NCR2: variants seen among roughly 807,000 people sequenced by gnomAD.
NCR2 encodes natural cytotoxicity triggering receptor 2, also known as NK cell activating receptor (NKp44).
In NCR2, 35 loss-of-function variants were observed where a neutral mutation model predicts 30.7. That is an observed-to-expected ratio of 1.14 (90% CI 0.87 to 1.51). The LOEUF (loss-of-function observed/expected upper bound fraction) is 1.51. Ranked by LOEUF, NCR2 falls within the 40% of genes most tolerant of loss-of-function variation. The probability of loss-of-function intolerance (pLI) is 0.00; values close to 1 mark genes in which losing one functional copy is unlikely to be tolerated. For synonymous variants in NCR2, 146 were observed against 134.8 expected (o/e 1.08, Z -0.58); for missense variants, 316 against 328.9 (o/e 0.96, Z 0.30).
At position 41,335,881 on chromosome 6, in the gene NCR2, C is replaced by G. The variant is rs1414403971; in HGVS notation, c.5C>G (p.Ala2Gly). 4 of 1,565,446 alleles carry G rather than the reference C, an allele frequency of 2.6e-6. No homozygotes were observed. In the South Asian group the frequency reaches 3.5e-5, roughly 14 times the overall value. Reference protein sequence around the residue: MAWRALHPLLLL... With the variant: MGWRALHPLLLL... ...AGCGCACAGGAAAAGGACCACATGG[C>G]CTGGCGAGCCCTACACCCACTGCTA... is the stretch of plus-strand genomic sequence containing the variant. Residue 2 changes from alanine to glycine, a missense_variant, in exon 1 of 5, where the codon GCC (alanine) becomes GGC (glycine). Transcript: ENST00000373089.
rs1247589826 is a variant in NCR2, at chr6:41,335,925, C to T, written c.49C>T (p.Pro17Ser). The T allele has an allele frequency of 2.5e-6, 4 of 1,571,034 alleles. No homozygotes were observed. In the African/African-American group the frequency reaches 4.1e-5, roughly 16 times the overall value. The change falls in exon 1 of 5, where the codon CCA becomes TCA. Residue 17 changes from proline to serine, a missense_variant. Transcript: ENST00000373089. ...HPLLLLLLLF[P>S]GSQAQSKAQV... ...ACTGCTACTGCTGCTGCTGCTGTTC[C>T]CAGGTGAGGGGGAGGAGGAGCCCAG...
At chr6:41,340,268 T>A (rs553623940) in intron 2 of NCR2, among the ~76,000 whole-genome samples, 11 of 152,030 alleles carry the variant, frequency 7.2e-5, no homozygotes, top group African/African-American at 2.7e-4. Flanking sequence ...TTCAACCCAT[T>A]CCCATGCCTC....
chr6:41,336,065 G>A, intron 1 of NCR2, 22 bp from the exon 2 acceptor site: 2 of 1,607,786 alleles, frequency 1.2e-6, no homozygotes, highest in Non-Finnish European at 1.7e-6. Context: ...CTTGACCTAT[G>A]CGTTACTTCA....
chr6:41,350,015 G>A (rs1280635455), intron 4 of NCR2, among the ~76,000 whole-genome samples: 1 of 152,162 alleles, frequency 6.6e-6, no homozygotes, highest in Non-Finnish European at 1.5e-5. Context: ...GTACAACCCA[G>A]CTCATGAGGG....
intron 1 of NCR2, 50 bp downstream of exon 1, chr6:41,335,978 A>G (rs1267588356): frequency 1.3e-6 from 2 of 1,578,790 alleles, no homozygotes; most frequent in African/African-American, 1.3e-5. Context: ...TGTGGTGGGG[A>G]CTGTCAGGAC....
In NCR2 at chr6:41,350,044, A is replaced by G. The variant is rs186205966; in HGVS notation, c.645-634A>G. ...ATGAGGGACATTTTCTACTTTCCAC[A>G]TTACTGCAGATGACAGTGTTGCTAA... On this transcript the variant is annotated intron_variant, in intron 4 of 4. Transcript: ENST00000373089. 5.9e-5 allele frequency among the ~76,000 whole-genome samples: 9 copies of G among 152,308 alleles called. No homozygotes were observed. In the East Asian group the frequency reaches 1.7e-3, roughly 29 times the overall value.
At position 41,336,447 on chromosome 6, in the gene NCR2, G is replaced by T. The variant is rs1361290288; in HGVS notation, c.394+19G>T. The T allele has an allele frequency of 1.3e-6, 2 of 1,594,220 alleles. No individual in the cohort carries two copies. Among genetic ancestry groups the T allele is most frequent in the Non-Finnish European group, 1.7e-6 (2 of 1,164,926 alleles). ...TCTCCAGGTGAGCTCTTTCCCTAGG[G>T]TCCTCAGAGGGGTGCCCCTCACCCC... On this transcript the variant is annotated intron_variant, in intron 2 of 4. Coordinates refer to ENST00000373089, the MANE Select transcript of NCR2 (RefSeq NM_004828.4).
chr6:41,336,099 A>T lies in NCR2; in HGVS notation c.65A>T (p.Gln22Leu). ...LLLLFPGSQA[Q>L]SKAQVLQSVA... ...CATCATTCTCCAGGCTCTCAGGCAC[A>T]ATCCAAGGCTCAGGTACTTCAAAGT... The change falls in exon 2 of 5, where the codon CAA becomes CTA. Residue 22 changes from glutamine (Q) to leucine (L), a missense_variant. Transcript: ENST00000373089. The T allele has an allele frequency of 6.2e-7, 1 of 1,613,250 alleles. No individual in the cohort carries two copies. Among genetic ancestry groups the T allele is most frequent in the Non-Finnish European group, 8.5e-7 (1 of 1,179,476 alleles).
Position 41,350,837 on chromosome 6 carries a change from CGAT to C in NCR2, c.816_818del (p.Asp272del), listed in dbSNP as rs1241213709. 1.2e-5 allele frequency: 11 copies of C among 921,308 alleles called. No individual in the cohort carries two copies. Among genetic ancestry groups the C allele is most frequent in the Middle Eastern group, 2.1e-4 (1 of 4,722 alleles). 57.1% of individuals were successfully genotyped at this position (921,308 alleles called of 1,614,324 possible). On this transcript the variant is annotated inframe_deletion, in exon 5 of 5. Coordinates refer to ENST00000373089, the MANE Select transcript of NCR2 (RefSeq NM_004828.4). ...ACACTGTTGCAAGGACTAAGATAAG[CGAT>C]GATGATGATGAACACACTTTGTGAA...
At chr6:41,340,754 A>G (rs536135866) in intron 2 of NCR2, among the ~76,000 whole-genome samples, 32 of 152,276 alleles carry the variant, frequency 2.1e-4, no homozygotes, top group Admixed American at 1.7e-3. Flanking sequence ...GACACATTCA[A>G]TAGCACATGT....
intron 4 of NCR2, among the ~76,000 whole-genome samples, chr6:41,343,215 T>A (rs1198189882): frequency 1.3e-5 from 2 of 152,274 alleles, no homozygotes; most frequent in African/African-American, 4.8e-5. Context: ...CACCCCGTTG[T>A]GGGAGCAAAG....
chr6:41,342,125 T>C lies in NCR2; in HGVS notation c.620T>C (p.Val207Ala). The C allele has an allele frequency of 6.2e-7, 1 of 1,613,442 alleles. No individual in the cohort carries two copies. Among genetic ancestry groups the C allele is most frequent in the Non-Finnish European group, 8.5e-7 (1 of 1,179,992 alleles). The change falls in exon 4 of 5, where the codon GTG (valine) becomes GCG (alanine). Residue 207 changes from valine to alanine, a missense_variant. Val to Ala is a moderately conservative substitution (Grantham distance 64, BLOSUM62 0). Coordinates refer to ENST00000373089, the MANE Select transcript of NCR2 (RefSeq NM_004828.4). ...FCGLLVAKSLVLSALLVWWGD... is the reference protein window; with the variant it reads ...FCGLLVAKSLALSALLVWWGD... Reference sequence around the variant, plus strand: ...GGACTCCTCGTAGCCAAGAGCCTGGTGCTGTCAGCCCTGCTCGTCTGGTGG... The same window carrying C: ...GGACTCCTCGTAGCCAAGAGCCTGGCGCTGTCAGCCCTGCTCGTCTGGTGG...
At chr6:41,346,339 C>T (rs1349686890) in intron 4 of NCR2, among the ~76,000 whole-genome samples, 4 of 151,766 alleles carry the variant, frequency 2.6e-5, no homozygotes, top group African/African-American at 9.7e-5. Context: ...CGCCAATAGC[C>T]CCCCTCTTAA....
At position 41,336,470 on chromosome 6, in the gene NCR2, C is replaced by G. The variant is rs758947251; in HGVS notation, c.394+42C>G. On this transcript the variant is annotated intron_variant, in intron 2 of 4. Transcript: ENST00000373089. Reference sequence around the variant, plus strand: ...GGGTCCTCAGAGGGGTGCCCCTCACCCCCTTTTGGTGCCTCCATCACCCCT... The same window carrying G: ...GGGTCCTCAGAGGGGTGCCCCTCACGCCCTTTTGGTGCCTCCATCACCCCT... 11 of 1,536,890 alleles carry G rather than the reference C, an allele frequency of 7.2e-6. No homozygotes were observed. In the East Asian group the frequency reaches 2.3e-4, roughly 32 times the overall value.
intron 2 of NCR2, among the ~76,000 whole-genome samples, chr6:41,341,055 G>C (rs142851766): frequency 1.3e-5 from 2 of 151,966 alleles, no homozygotes; most frequent in Non-Finnish European, 2.9e-5. Context: ...CTGCTAGGTC[G>C]AGACACTGAT....
At chr6:41,341,686 C>T in intron 2 of NCR2, 108 bp from the exon 3 acceptor site, 1 of 1,375,734 alleles carries the variant, frequency 7.3e-7, no homozygotes, top group Non-Finnish European at 9.8e-7. Flanking sequence ...TCTCTGGGCG[C>T]ATGGGCTCTG....
chr6:41,337,748 CA>C (rs2114048495), intron 2 of NCR2, among the ~76,000 whole-genome samples: 1 of 152,260 alleles, frequency 6.6e-6, no homozygotes, highest in African/African-American at 2.4e-5. Flanking sequence ...TTAACTTTTA[CA>C]AAAGGAAGCA....
intron 4 of NCR2, among the ~76,000 whole-genome samples, chr6:41,350,232 T>C (rs995932707): frequency 1.3e-5 from 2 of 152,176 alleles, no homozygotes; most frequent in Non-Finnish European, 2.9e-5. Context: ...GGGTGATGTA[T>C]TCAAAAAGCA....
At position 41,341,800 on chromosome 6, in the gene NCR2, C is replaced by T; in HGVS notation, c.401C>T (p.Ala134Val). The T allele has an allele frequency of 6.2e-7, 1 of 1,610,588 alleles. No individual in the cohort carries two copies. Among genetic ancestry groups the T allele is most frequent in the Non-Finnish European group, 8.5e-7 (1 of 1,178,988 alleles). Residue 134 changes from alanine (A) to valine (V), a missense_variant, in exon 3 of 5, where the codon GCC becomes GTC. Coordinates refer to ENST00000373089, the MANE Select transcript of NCR2 (RefSeq NM_004828.4). ...RFYLVVSPASASTQTSWTPRD... is the reference protein window; with the variant it reads ...RFYLVVSPASVSTQTSWTPRD... ...TCTTTCTCCTCCCTGGCAGCCTCTG[C>T]CTCCACACAGACCTCCTGGACTCCC... is the stretch of plus-strand genomic sequence containing the variant.
Sources: gnomAD v4.1 joint callset for allele counts (sites outside exome capture counted in the v4.1 genomes callset) on GRCh38, gnomAD v4.1.1 for gene constraint, MANE v1.5 for transcripts, NCBI Gene and HGNC (gene_info 2026-07-23, HGNC 2026-07-21) for gene names.